SNX4: variants seen among roughly 807,000 people sequenced by gnomAD.
SNX4 encodes the protein sorting nexin-4.
Under a neutral mutation model 70.8 loss-of-function variants are expected in SNX4, and 49 were observed. The ratio of observed to expected loss-of-function variants is 0.69; its 90% CI spans 0.55 to 0.88. The LOEUF (loss-of-function observed/expected upper bound fraction) is 0.88, where lower values mean the gene tolerates loss of function less well. SNX4 is among the 40% of genes least tolerant of loss of function. The pLI, the probability that SNX4 is intolerant of heterozygous loss-of-function variation, is 0.00. For synonymous variants in SNX4, 206 were observed against 183.8 expected (o/e 1.12, Z -0.98); for missense variants, 528 against 544.8 (o/e 0.97, Z 0.31).
At chr3:125,458,814 C>CAAAAAAA (rs71148180) in intron 10 of SNX4, among the ~76,000 whole-genome samples, 32 of 64,528 alleles carry the variant, frequency 5.0e-4, no homozygotes, top group African/African-American at 2.0e-3. Flanking sequence ...GACTCCGTCT[C>CAAAAAAA]AAAAAAAAAA....
At chr3:125,457,914 T>C (rs999098718) in intron 10 of SNX4, among the ~76,000 whole-genome samples, 11 of 152,114 alleles carry the variant, frequency 7.2e-5, no homozygotes, top group African/African-American at 2.7e-4. Context: ...AAAAAGTTGT[T>C]TTCCATATAC....
intron 8 of SNX4, among the ~76,000 whole-genome samples, chr3:125,473,962 C>T (rs1934235850): frequency 6.6e-6 from 1 of 152,154 alleles, no homozygotes; most frequent in African/African-American, 2.4e-5. Context: ...TCTTAAATTC[C>T]TGATCCAAAT....
intron 5 of SNX4, among the ~76,000 whole-genome samples, chr3:125,492,181 T>A (rs538444018): frequency 5.3e-4 from 80 of 151,102 alleles, no homozygotes; most frequent in African/African-American, 1.8e-3. Flanking sequence ...GCCCTTGGAC[T>A]GTACAAAGGC....
intron 6 of SNX4, among the ~76,000 whole-genome samples, chr3:125,481,282 C>G (rs1446581360): frequency 2.6e-5 from 4 of 152,154 alleles, no homozygotes; most frequent in Admixed American, 6.5e-5. Context: ...GGCAATGCAA[C>G]AGCTGACATC....
intron 1 of SNX4, among the ~76,000 whole-genome samples, chr3:125,510,141 A>G (rs1368822471): frequency 6.6e-6 from 1 of 152,240 alleles, no homozygotes; most frequent in African/African-American, 2.4e-5. Flanking sequence ...CAGGGTCTCA[A>G]AGAGATATTT....
chr3:125,462,593 C>CAAAA (rs34157775), intron 9 of SNX4, among the ~76,000 whole-genome samples: 54 of 48,002 alleles, frequency 1.1e-3, no homozygotes, highest in African/African-American at 2.0e-3. Context: ...TCTGTCTCAC[C>CAAAA]AAAAAAAAAA....
chr3:125,462,593 CAAAA>C (rs34157775), intron 9 of SNX4, among the ~76,000 whole-genome samples: 4 of 48,270 alleles, frequency 8.3e-5, no homozygotes, highest in Non-Finnish European at 1.2e-4. Context: ...TCTGTCTCAC[CAAAA>C]AAAAAAAAAA....
intron 1 of SNX4, among the ~76,000 whole-genome samples, chr3:125,510,514 C>T (rs921510276): frequency 6.6e-6 from 1 of 152,100 alleles, no homozygotes; most frequent in Non-Finnish European, 1.5e-5. Context: ...CAGGCGTGAG[C>T]CACCGCGCCC....
At chr3:125,498,329 TC>T in intron 2 of SNX4, 135 bp from the exon 3 acceptor site, 1 of 896,958 alleles carries the variant, frequency 1.1e-6, no homozygotes, top group East Asian at 2.7e-5. Context: ...CATACATTTT[TC>T]TTTTTTTTCA....
At chr3:125,480,720 A>G (rs1482242930) in intron 6 of SNX4, among the ~76,000 whole-genome samples, 1 of 152,108 alleles carries the variant, frequency 6.6e-6, no homozygotes, top group African/African-American at 2.4e-5. Flanking sequence ...ATTAACTGCC[A>G]TTTTCCATAA....
chr3:125,508,339 G>T (rs542875090), intron 1 of SNX4, among the ~76,000 whole-genome samples: 1 of 152,072 alleles, frequency 6.6e-6, no homozygotes, highest in African/African-American at 2.4e-5. Flanking sequence ...AGGCTGGGGC[G>T]GGCGGATCAC....
chr3:125,457,686 T>C (rs1031841919), intron 10 of SNX4, among the ~76,000 whole-genome samples: 3 of 150,542 alleles, frequency 2.0e-5, no homozygotes, highest in Non-Finnish European at 4.4e-5. Flanking sequence ...CAAATGATTC[T>C]CCTGCCTCAG....
At position 125,450,082 on chromosome 3, in the gene SNX4, A is replaced by T. The variant is rs115583909; in HGVS notation, c.1305+1223T>A. Among the ~76,000 whole-genome samples the T allele has an allele frequency of 6.4e-3, 976 of 152,242 alleles. 9 individuals carry two copies. Among genetic ancestry groups the T allele is most frequent in the Middle Eastern group, 0.027 (8 of 294 alleles). On this transcript the variant is annotated intron_variant, in intron 13 of 13. Coordinates refer to ENST00000251775, the MANE Select transcript of SNX4 (RefSeq NM_003794.4). ...TGACACAGTAAGACCCCATTTCAACAAAAAAAGAAGAAAAAAGAAAAAGAC... is the reference window on the plus strand; with the variant it reads ...TGACACAGTAAGACCCCATTTCAACTAAAAAAGAAGAAAAAAGAAAAAGAC...
chr3:125,460,751 G>T lies in SNX4; in HGVS notation c.944+20C>A. On this transcript the variant is annotated intron_variant, in intron 10 of 13. Transcript: ENST00000251775. ...GGTGAACAACCCTGTGGCTGCACCT[G>T]GAACTTTTATTAAACTTACCGCAAT... The T allele has an allele frequency of 3.9e-6, 5 of 1,293,370 alleles. No homozygotes were observed. The highest frequency in any genetic ancestry group is 1.5e-5 in the African/African-American group (1 of 66,706). The allele number at this position is 1,293,370 out of a possible 1,614,324, so 80.1% of individuals were successfully genotyped here.
chr3:125,450,352 C>T (rs753782373), intron 13 of SNX4, among the ~76,000 whole-genome samples: 2 of 152,130 alleles, frequency 1.3e-5, no homozygotes, highest in Admixed American at 6.5e-5. Context: ...CCAGTGAGTG[C>T]GTATGGTGTT....
chr3:125,464,034 C>G (rs1933947310), intron 9 of SNX4, among the ~76,000 whole-genome samples: 1 of 151,906 alleles, frequency 6.6e-6, no homozygotes, highest in South Asian at 2.1e-4. Flanking sequence ...ACAGTGAGAC[C>G]CTGTATCAAT....
In SNX4 at chr3:125,451,248, C is replaced by A. The variant is rs558033696; in HGVS notation, c.1305+57G>T. The A allele has an allele frequency of 5.7e-5, 61 of 1,065,634 alleles. No individual in the cohort carries two copies. In the East Asian group the frequency reaches 1.5e-3, roughly 26 times the overall value. 66.0% of individuals were successfully genotyped at this position (1,065,634 alleles called of 1,614,324 possible). ...ATTTTTTGGTCAGGTAATTTAAATA[C>A]ATGTATAAGCACTTCTGAATATACA... On this transcript the variant is annotated intron_variant, in intron 13 of 13. Coordinates refer to ENST00000251775, the MANE Select transcript of SNX4 (RefSeq NM_003794.4).
At position 125,447,834 on chromosome 3, in the gene SNX4, T is replaced by C. The variant is rs770145377; in HGVS notation, c.1306-8A>G. 1 of 1,565,452 alleles carries C rather than the reference T, an allele frequency of 6.4e-7. No individual in the cohort carries two copies. Among genetic ancestry groups the C allele is most frequent in the Non-Finnish European group, 8.7e-7 (1 of 1,151,170 alleles). ...GGTCCAAACTTGAATTCCCTAAAAATAAAAATAAAAACTTTAAAATGTGAG... is the reference window on the plus strand; with the variant it reads ...GGTCCAAACTTGAATTCCCTAAAAACAAAAATAAAAACTTTAAAATGTGAG... On this transcript the variant is annotated splice_region_variant and splice_polypyrimidine_tract_variant and intron_variant, in intron 13 of 13. Coordinates refer to ENST00000251775, the MANE Select transcript of SNX4 (RefSeq NM_003794.4).
chr3:125,505,254 G>C (rs531680405), intron 1 of SNX4, among the ~76,000 whole-genome samples: 2 of 152,354 alleles, frequency 1.3e-5, no homozygotes, highest in African/African-American at 4.8e-5. Context: ...ATAGGCATGA[G>C]CCACTGCACC....
Sources: allele counts gnomAD v4.1 joint callset (sites outside exome capture counted in the v4.1 genomes callset), GRCh38; gene constraint gnomAD v4.1.1; transcripts MANE v1.5; gene names NCBI Gene and HGNC (gene_info 2026-07-23, HGNC 2026-07-21).